The following DUSP22 variants were observed in gnomAD, a reference collection of about 807,000 sequenced individuals.
DUSP22 encodes the protein dual specificity protein phosphatase 22.
Under a neutral mutation model 24.5 loss-of-function variants are expected in DUSP22, and 24 were observed. The observed-to-expected ratio is 0.98, with a 90% confidence interval of 0.71 to 1.38. The LOEUF (loss-of-function observed/expected upper bound fraction) is 1.38. Among genes scored for constraint, DUSP22 ranks in the 40% most tolerant of loss-of-function variants. The pLI is 0.00. For missense variants in DUSP22, 330 were observed against 269.2 expected (o/e 1.23, Z -1.58); for synonymous variants, 160 against 106.4 (o/e 1.50, Z -3.10).
At chr6:327,256 G>A (rs978551264) in intron 3 of DUSP22, among the ~76,000 whole-genome samples, 3 of 152,302 alleles carry the variant, frequency 2.0e-5, no homozygotes, top group African/African-American at 7.2e-5. Context: ...TCTTTGCCTT[G>A]TCTTTGCCTG....
In DUSP22 at chr6:349,318, GTC is replaced by G; in HGVS notation, c.*369_*370del. 9.0e-7 allele frequency: 1 copy of G among 1,108,996 alleles called. No homozygotes were observed. 68.7% of individuals were successfully genotyped at this position (1,108,996 alleles called of 1,614,324 possible). A position where few individuals can be genotyped will look rare whatever the true frequency, so the allele number is the denominator to read the frequency against. Reference sequence around the variant, plus strand: ...GTACATGTGTGTATGTTGTGAAAGTGTCTGTGCACATGAATGTTTGTGTGTGT... The same window carrying G: ...GTACATGTGTGTATGTTGTGAAAGTGTGTGCACATGAATGTTTGTGTGTGT... On this transcript the variant is annotated 3_prime_UTR_variant, in exon 7 of 7. Coordinates refer to ENST00000419235, the MANE Select transcript of DUSP22 (RefSeq NM_001286555.3).
intron 1 of DUSP22, among the ~76,000 whole-genome samples, chr6:293,959 A>C (rs922393819): frequency 2.6e-5 from 4 of 152,274 alleles, no homozygotes; most frequent in African/African-American, 7.2e-5. Flanking sequence ...TGGTCATCAT[A>C]AGTCTGTGGG....
intron 3 of DUSP22, among the ~76,000 whole-genome samples, chr6:334,317 GA>G (rs1179370060): frequency 1.3e-5 from 2 of 152,298 alleles, no homozygotes; most frequent in Admixed American, 6.5e-5. Context: ...CTTACAAAGA[GA>G]ATATCAGATT....
In DUSP22 at chr6:350,379, A is replaced by C; in HGVS notation, c.*1428A>C. Reference sequence around the variant, plus strand: ...TTATACCGACTCAGATTCCTTAAGCATGCAGAGTCACTCGAATGAAAAAAC... The same window carrying C: ...TTATACCGACTCAGATTCCTTAAGCCTGCAGAGTCACTCGAATGAAAAAAC... On this transcript the variant is annotated 3_prime_UTR_variant, in exon 7 of 7. Coordinates refer to ENST00000419235, the MANE Select transcript of DUSP22 (RefSeq NM_001286555.3). 9.2e-7 allele frequency: 1 copy of C among 1,089,242 alleles called. No individual in the cohort carries two copies. Among genetic ancestry groups the C allele is most frequent in the South Asian group, 2.6e-5 (1 of 38,562 alleles). 67.5% of individuals were successfully genotyped at this position (1,089,242 alleles called of 1,614,324 possible).
intron 2 of DUSP22, among the ~76,000 whole-genome samples, chr6:310,190 A>ATTGG (rs1758010671): frequency 6.6e-6 from 1 of 152,298 alleles, no homozygotes; most frequent in Non-Finnish European, 1.5e-5. Context: ...CACACTCCTG[A>ATTGG]CCTCAGGTGA....
chr6:296,200 T>C (rs1757321023), intron 1 of DUSP22, among the ~76,000 whole-genome samples: 1 of 152,312 alleles, frequency 6.6e-6, no homozygotes, highest in South Asian at 2.1e-4. Flanking sequence ...TTTTTTATTG[T>C]TTTTGTTTGT....
chr6:332,135 C>T (rs1381006207), intron 3 of DUSP22, among the ~76,000 whole-genome samples: 1 of 152,304 alleles, frequency 6.6e-6, no homozygotes, highest in African/African-American at 2.4e-5. Context: ...CAGTGAGTGC[C>T]TGCTGTGTGC....
chr6:326,651 A>G (rs1170657765), intron 3 of DUSP22, among the ~76,000 whole-genome samples: 2 of 152,302 alleles, frequency 1.3e-5, no homozygotes, highest in Non-Finnish European at 2.9e-5. Flanking sequence ...CTTGAGGGAG[A>G]GTCACTGGCA....
At chr6:319,603 A>T in intron 3 of DUSP22, among the ~76,000 whole-genome samples, 1 of 152,306 alleles carries the variant, frequency 6.6e-6, no homozygotes, top group Non-Finnish European at 1.5e-5. Flanking sequence ...GCACTGGGCA[A>T]GATTTCCCAT....
chr6:336,265 T>C (rs950774071), intron 4 of DUSP22, among the ~76,000 whole-genome samples: 28 of 152,284 alleles, frequency 1.8e-4, no homozygotes, highest in African/African-American at 6.5e-4. Context: ...GCAACCCTCC[T>C]AGAACTGTGT....
intron 3 of DUSP22, among the ~76,000 whole-genome samples, chr6:319,318 G>C (rs1279847785): frequency 6.6e-6 from 1 of 152,306 alleles, no homozygotes; most frequent in Non-Finnish European, 1.5e-5. Context: ...ATCTGTGTTT[G>C]GCTGCGCTGT....
intron 4 of DUSP22, among the ~76,000 whole-genome samples, chr6:335,745 C>T (rs137981307): frequency 4.2e-3 from 633 of 152,124 alleles, no homozygotes; most frequent in African/African-American, 0.014. Flanking sequence ...TCATACTTGG[C>T]ACATCTCCGT....
intron 3 of DUSP22, among the ~76,000 whole-genome samples, chr6:319,725 G>A (rs1758506753): frequency 6.6e-6 from 1 of 152,300 alleles, no homozygotes; most frequent in Non-Finnish European, 1.5e-5. Context: ...GTTGCTGTTT[G>A]ACCTGGAATG....
At chr6:313,882 G>A (rs1048354423) in intron 3 of DUSP22, among the ~76,000 whole-genome samples, 3 of 152,302 alleles carry the variant, frequency 2.0e-5, no homozygotes, top group Non-Finnish European at 4.4e-5. Context: ...TTGAATTGGT[G>A]GTGCCCACAT....
At chr6:312,966 A>ATTT (rs5873738) in intron 3 of DUSP22, among the ~76,000 whole-genome samples, 2,532 of 142,334 alleles carry the variant, frequency 0.018, 5 homozygotes, top group African/African-American at 0.03. Flanking sequence ...TTAGCTCATA[A>ATTT]TTTTTTTTTT....
intron 2 of DUSP22, among the ~76,000 whole-genome samples, chr6:305,972 G>A (rs1012311130): frequency 5.9e-5 from 9 of 152,416 alleles, no homozygotes; most frequent in East Asian, 3.8e-4. Context: ...ACACACACCC[G>A]TATCCCCCCA....
intron 1 of DUSP22, among the ~76,000 whole-genome samples, chr6:302,624 C>A (rs1757637371): frequency 1.3e-5 from 2 of 152,310 alleles, no homozygotes; most frequent in African/African-American, 4.8e-5. Context: ...CGGCATTGTG[C>A]CTGAGGAACT....
chr6:332,064 T>C (rs1759165335), intron 3 of DUSP22, among the ~76,000 whole-genome samples: 1 of 152,312 alleles, frequency 6.6e-6, no homozygotes, highest in South Asian at 2.1e-4. Flanking sequence ...TGCACTCATC[T>C]GGCAGTGTGA....
Position 311,979 on chromosome 6 carries a change from G to A in DUSP22, c.138+17G>A. ...ATGTTGGAGGTAAGAGAGCACCGTG[G>A]GGCGTGTGTGGGTGTCCTCATTTGT... On this transcript the variant is annotated intron_variant, in intron 3 of 6. Coordinates refer to ENST00000419235, the MANE Select transcript of DUSP22 (RefSeq NM_001286555.3). 1 of 1,605,288 alleles carries A rather than the reference G, an allele frequency of 6.2e-7. No homozygotes were observed. Among genetic ancestry groups the A allele is most frequent in the South Asian group, 1.1e-5 (1 of 89,946 alleles).
Sources: allele counts gnomAD v4.1 joint callset (sites outside exome capture counted in the v4.1 genomes callset), GRCh38; gene constraint gnomAD v4.1.1; transcripts MANE v1.5; gene names NCBI Gene and HGNC (gene_info 2026-07-23, HGNC 2026-07-21).